Variants in PTPRN2 observed in about 807,000 individuals in gnomAD.
PTPRN2 encodes receptor-type tyrosine-protein phosphatase N2.
Under a neutral mutation model 118.8 loss-of-function variants are expected in PTPRN2, and 74 were observed. The ratio of observed to expected loss-of-function variants is 0.62; its 90% CI spans 0.52 to 0.76. The LOEUF is 0.76. Among genes scored for constraint, PTPRN2 ranks in the 30% least tolerant of loss-of-function variants. The pLI, the probability that PTPRN2 is intolerant of heterozygous loss-of-function variation, is 0.00. For synonymous variants in PTPRN2, 641 were observed against 608.0 expected (o/e 1.05, Z -0.80); for missense variants, 1,481 against 1,394.4 (o/e 1.06, Z -0.99).
At position 158,159,177 on chromosome 7, in the gene PTPRN2, TGTGATTGGCCGGGACTTTGC is replaced by T. The variant is rs1395247700; in HGVS notation, c.910+7734_910+7753del. Among the ~76,000 whole-genome samples the T allele has an allele frequency of 1.3e-3, 189 of 149,134 alleles. 3 individuals carry two copies. In the East Asian group the frequency reaches 0.02, roughly 16 times the overall value. ...TGAACTTGGGAGAATCAGGAGCCCG[TGTGATTGGCCGGGACTTTGC>T]AAGTGCTTTCTGAATGAATGAGTGA... On this transcript the variant is annotated intron_variant, in intron 6 of 22. Transcript: ENST00000389418.
In PTPRN2 at chr7:157,974,842, G is replaced by A. The variant is rs973931966; in HGVS notation, c.1724-76105C>T. ...AGTGTCTGTGGGTGAAGAGCTGTGC[G>A]GGCGGGCACTGAGAAGAGGTGCCCA... On this transcript the variant is annotated intron_variant, in intron 11 of 22. Coordinates refer to ENST00000389418, the MANE Select transcript of PTPRN2 (RefSeq NM_002847.5). The surrounding 1 kb of genome is among the most constrained non-coding windows in gnomAD (Gnocchi z 4.0). Among the ~76,000 whole-genome samples the A allele has an allele frequency of 3.6e-4, 55 of 152,078 alleles. No individual in the cohort carries two copies. The highest frequency in any genetic ancestry group is 2.9e-3 in the Admixed American group (45 of 15,272).
At position 157,990,861 on chromosome 7, in the gene PTPRN2, G is replaced by A. The variant is rs992174891; in HGVS notation, c.1723+90437C>T. ...GACCAGCCCAGTCCCAGCGCTTACCGAGGAGGACTGGGGAGGGGGGCCGAG... is the reference window on the plus strand; with the variant it reads ...GACCAGCCCAGTCCCAGCGCTTACCAAGGAGGACTGGGGAGGGGGGCCGAG... On this transcript the variant is annotated intron_variant, in intron 11 of 22. Coordinates refer to ENST00000389418, the MANE Select transcript of PTPRN2 (RefSeq NM_002847.5). This position sits in a 1 kb window ranked among gnomAD's most constrained non-coding sequence, Gnocchi z 4.3. 5.3e-5 allele frequency among the ~76,000 whole-genome samples: 8 copies of A among 151,962 alleles called. No homozygotes were observed. In the East Asian group the frequency reaches 1.2e-3, roughly 22 times the overall value.
chr7:157,781,268 C>T (rs1051427720), intron 12 of PTPRN2, among the ~76,000 whole-genome samples: 4 of 152,206 alleles, frequency 2.6e-5, no homozygotes, highest in Non-Finnish European at 5.9e-5. Context: ...ATCATCTCCT[C>T]AAAGTGGAGG....
Position 158,407,233 on chromosome 7 carries a change from TGG to T in PTPRN2, c.163+82500_163+82501del, listed in dbSNP as rs1563254645. On this transcript the variant is annotated intron_variant, in intron 2 of 22. Transcript: ENST00000389418. ...GTCCTGCGTCCTGCGTCCTGGGTCC[TGG>T]GTCCTGGGTCCTGCGTCCTGGGTCC... 6.0e-4 allele frequency among the ~76,000 whole-genome samples: 17 copies of T among 28,416 alleles called. 2 individuals carry two copies. The highest frequency in any genetic ancestry group is 9.9e-4 in the Non-Finnish European group (13 of 13,118). 18.6% of individuals were successfully genotyped at this position (28,416 alleles called of 152,430 possible).
rs547279855 is a variant in PTPRN2 at position 157,698,747 on chromosome 7, C to A, written c.1789-15810G>T. Among the ~76,000 whole-genome samples, 93 of 152,250 alleles carry A rather than the reference C, an allele frequency of 6.1e-4. 1 individual carries two copies. The highest frequency in any genetic ancestry group is 6.8e-4 in the Non-Finnish European group (46 of 68,018). ...GTATAGAGGATCTATTACTTTTAAT[C>A]AACGTATTTGTAAAGATCTAATATT... On this transcript the variant is annotated intron_variant, in intron 12 of 22. Transcript: ENST00000389418.
rs771516804 is a variant in PTPRN2, at chr7:157,549,016, G to A, written c.2906C>T (p.Ala969Val). ...DMVLNKMAKG[A>V]KEIDIAATLE... ...GGTCGCTGCGATATCAATCTCTTTA[G>A]CACCTGCAACAAACCACAAATTGGG... Residue 969 changes from alanine to valine, a missense_variant, in exon 22 of 23, where the codon GCT becomes GTT. Transcript: ENST00000389418. 2 of 1,614,132 alleles carry A rather than the reference G, an allele frequency of 1.2e-6. No homozygotes were observed. Among genetic ancestry groups the A allele is most frequent in the East Asian group, 2.2e-5 (1 of 44,890 alleles).
chr7:158,252,961 C>T (rs1028387869), intron 3 of PTPRN2, among the ~76,000 whole-genome samples: 1 of 152,134 alleles, frequency 6.6e-6, no homozygotes, highest in Non-Finnish European at 1.5e-5. Flanking sequence ...GAGTGAGAGT[C>T]CCTGTGGCCC....
chr7:158,295,956 T>C (rs955486619), intron 3 of PTPRN2, among the ~76,000 whole-genome samples: 3 of 152,252 alleles, frequency 2.0e-5, no homozygotes, highest in Non-Finnish European at 4.4e-5. Flanking sequence ...TTGTCTGAGA[T>C]GGTTGCTTAG....
At position 158,098,306 on chromosome 7, in the gene PTPRN2, G is replaced by C. The variant is rs111623245; in HGVS notation, c.1643+12523C>G. The stretch of plus-strand genomic sequence containing the variant: ...AGGATCCTGCGGGTGAGGCCACCGG[G>C]GGGGCTCCCTGGGGAGGAGGTGGAG... On this transcript the variant is annotated intron_variant, in intron 10 of 22. Transcript: ENST00000389418. Among the ~76,000 whole-genome samples the C allele has an allele frequency of 2.9e-3, 446 of 152,344 alleles. 3 individuals carry two copies. Among genetic ancestry groups the C allele is most frequent in the African/African-American group, 1.0e-2 (414 of 41,582 alleles).
At chr7:158,143,683 G>A (rs6943049) in intron 6 of PTPRN2, among the ~76,000 whole-genome samples, 15,324 of 152,178 alleles carry the variant, frequency 0.1, 854 homozygotes, top group African/African-American at 0.14. Context: ...CCAGAGTAAC[G>A]ACCTGACCAG....
At chr7:158,341,108 C>G (rs1400063236) in intron 2 of PTPRN2, among the ~76,000 whole-genome samples, 2 of 15,888 alleles carry the variant, frequency 1.3e-4, no homozygotes, top group African/African-American at 3.1e-4. Flanking sequence ...GCAGACGTCA[C>G]TCACACCCAC....
chr7:158,511,521 C>G (rs1823178243), intron 1 of PTPRN2, among the ~76,000 whole-genome samples: 1 of 152,212 alleles, frequency 6.6e-6, no homozygotes, highest in East Asian at 1.9e-4. Context: ...GGAGGCCATC[C>G]ACACAGGCTG....
intron 2 of PTPRN2, among the ~76,000 whole-genome samples, chr7:158,333,626 T>G (rs1586320893): frequency 6.8e-6 from 1 of 146,644 alleles, no homozygotes; most frequent in Non-Finnish European, 1.5e-5. Context: ...AGGTGACACC[T>G]ACAGACATCA....
At chr7:158,166,808 G>A (rs536529646) in intron 6 of PTPRN2, 123 bp downstream of exon 6, 114 of 1,237,044 alleles carry the variant, frequency 9.2e-5, no homozygotes, top group South Asian at 4.5e-4. Context: ...TTCCTGCCAC[G>A]CGTCCTCGGG....
rs187516946 is a variant in PTPRN2 at position 158,573,256 on chromosome 7, G to A, written c.112+14302C>T. Among the ~76,000 whole-genome samples, 214 of 152,298 alleles carry A rather than the reference G, an allele frequency of 1.4e-3. 2 individuals carry two copies. Among genetic ancestry groups the A allele is most frequent in the African/African-American group, 5.0e-3 (208 of 41,566 alleles). ...ATTCAAGATGTTCAGAGAAATGGAG[G>A]GGGGATGGGAAAGGGAATCTGCTTC... On this transcript the variant is annotated intron_variant, in intron 1 of 22. Transcript: ENST00000389418.
intron 4 of PTPRN2, among the ~76,000 whole-genome samples, chr7:158,199,636 G>A (rs986279837): frequency 1.3e-5 from 2 of 152,088 alleles, no homozygotes; most frequent in African/African-American, 4.8e-5. Flanking sequence ...GTTCAGCTGT[G>A]AAGCTCAGAA....
chr7:158,374,562 G>A (rs1439525071), intron 2 of PTPRN2, among the ~76,000 whole-genome samples: 4 of 151,960 alleles, frequency 2.6e-5, no homozygotes, highest in Non-Finnish European at 5.9e-5. Flanking sequence ...ACTGAAGAAA[G>A]AAAAAAAGAA....
chr7:158,326,931 G>A (rs12698211), intron 2 of PTPRN2, among the ~76,000 whole-genome samples: 59,765 of 146,382 alleles, frequency 0.41, 12,107 homozygotes, highest in Middle Eastern at 0.54. Flanking sequence ...GTTCTCACAT[G>A]CACACATACA....
chr7:157,902,606 C>T (rs993341877), intron 11 of PTPRN2, among the ~76,000 whole-genome samples: 3 of 152,032 alleles, frequency 2.0e-5, no homozygotes, highest in Non-Finnish European at 4.4e-5. Context: ...CTCAAGAGCA[C>T]GTGGGGACCA....
Sources: allele counts gnomAD v4.1 joint callset (sites outside exome capture counted in the v4.1 genomes callset), GRCh38; gene constraint gnomAD v4.1.1; non-coding constraint Gnocchi (gnomAD v3.1); transcripts MANE v1.5; gene names NCBI Gene and HGNC (gene_info 2026-07-23, HGNC 2026-07-21).